NUDT3: variants seen among roughly 807,000 people sequenced by gnomAD.
NUDT3 encodes diphosphoinositol polyphosphate phosphohydrolase 1.
NUDT3 carries 9 observed loss-of-function variants against 23.6 expected under a neutral mutation model. The observed-to-expected ratio is 0.38, with a 90% CI of 0.23 to 0.66. NUDT3 has a LOEUF of 0.66. NUDT3 is among the 30% of genes least tolerant of loss of function. The pLI is 0.52. For missense variants in NUDT3, 172 were observed against 218.5 expected (o/e 0.79, Z 1.34); for synonymous variants, 86 against 82.6 (o/e 1.04, Z -0.22).
rs762860096 is a variant in NUDT3, at chr6:34,392,357, C to T, written c.6G>A (p.Met2Ile). 5 of 1,601,918 alleles carry T rather than the reference C, an allele frequency of 3.1e-6. No homozygotes were observed. In the South Asian group the frequency reaches 3.3e-5, roughly 11 times the overall value. M[M>I]KLKSNQTRTY... ...TGCGGGTCTGGTTCGACTTGAGCTT[C>T]ATCATCCTCCGGGCCCGGGTGGGGG... The change falls in exon 1 of 5, where the codon ATG (methionine) becomes ATA (isoleucine). Residue 2 changes from methionine to isoleucine, a missense_variant. Physicochemically the swap from Met to Ile is conservative, Grantham distance 10. Transcript: ENST00000607016.
At chr6:34,313,284 A>AAAGAGG (rs1763803959) in intron 2 of NUDT3, among the ~76,000 whole-genome samples, 1 of 152,218 alleles carries the variant, frequency 6.6e-6, no homozygotes, top group Non-Finnish European at 1.5e-5. Flanking sequence ...TTCCAACTAT[A>AAAGAGG]AGACATTCTA....
At chr6:34,346,306 T>C (rs1764369075) in intron 1 of NUDT3, among the ~76,000 whole-genome samples, 1 of 152,174 alleles carries the variant, frequency 6.6e-6, no homozygotes, top group African/African-American at 2.4e-5. Flanking sequence ...GTAAAATGGG[T>C]TAATCCTCCA....
intron 1 of NUDT3, among the ~76,000 whole-genome samples, chr6:34,343,579 C>G (rs1764321280): frequency 1.3e-5 from 2 of 151,692 alleles, no homozygotes; most frequent in South Asian, 4.2e-4. Flanking sequence ...TGTCTCAGAC[C>G]TTATACAAAA....
intron 1 of NUDT3, among the ~76,000 whole-genome samples, chr6:34,358,511 C>A (rs1764598459): frequency 6.6e-6 from 1 of 151,958 alleles, no homozygotes; most frequent in Non-Finnish European, 1.5e-5. Flanking sequence ...CTTATTATTT[C>A]AAAGGAGTCA....
At chr6:34,351,206 A>AAAAAAAAAAAAC (rs1764464677) in intron 1 of NUDT3, among the ~76,000 whole-genome samples, 1 of 121,152 alleles carries the variant, frequency 8.3e-6, no homozygotes, top group Non-Finnish European at 1.7e-5. Flanking sequence ...CCTAAAAAAA[A>AAAAAAAAAAAAC]AAAAAAAAAA....
intron 2 of NUDT3, among the ~76,000 whole-genome samples, chr6:34,332,068 T>C (rs534688579): frequency 6.6e-6 from 1 of 152,190 alleles, no homozygotes; most frequent in Non-Finnish European, 1.5e-5. Context: ...TTGTTTTTTG[T>C]AGTGATACGG....
At chr6:34,330,391 TG>T (rs1463616612) in intron 2 of NUDT3, among the ~76,000 whole-genome samples, 2 of 152,222 alleles carry the variant, frequency 1.3e-5, no homozygotes, top group Non-Finnish European at 2.9e-5. Context: ...TGCATTTCTC[TG>T]ATGGCCAGTG....
At chr6:34,294,862 A>G (rs1763476580) in intron 3 of NUDT3, among the ~76,000 whole-genome samples, 1 of 152,140 alleles carries the variant, frequency 6.6e-6, no homozygotes, top group Admixed American at 6.5e-5. Flanking sequence ...TCTACCCTCA[A>G]GAGATCTTCC....
chr6:34,380,754 G>C (rs1465896878), intron 1 of NUDT3, among the ~76,000 whole-genome samples: 1 of 152,136 alleles, frequency 6.6e-6, no homozygotes, highest in African/African-American at 2.4e-5. Context: ...AGATTAGGGG[G>C]ACAGGCAGGG....
chr6:34,288,114 C>T lies in NUDT3; in HGVS notation c.*639G>A, dbSNP rs1285023360. 6.6e-6 allele frequency: 1 copy of T among 152,156 alleles called. No individual in the cohort carries two copies. The highest frequency in any genetic ancestry group is 1.5e-5 in the Non-Finnish European group (1 of 68,030). 9.4% of individuals were successfully genotyped at this position (152,156 alleles called of 1,614,324 possible). Reference sequence around the variant, plus strand: ...TAGAGAAAGGACAGGGCAACCTGCCCAGCCACTAGCATCGAAAACAAAAAG... The same window carrying T: ...TAGAGAAAGGACAGGGCAACCTGCCTAGCCACTAGCATCGAAAACAAAAAG... On this transcript the variant is annotated 3_prime_UTR_variant, in exon 5 of 5. Coordinates refer to ENST00000607016, the MANE Select transcript of NUDT3 (RefSeq NM_006703.4).
At chr6:34,369,028 C>G (rs1764786936) in intron 1 of NUDT3, among the ~76,000 whole-genome samples, 1 of 152,166 alleles carries the variant, frequency 6.6e-6, no homozygotes, top group African/African-American at 2.4e-5. Context: ...CCTTAGCAGC[C>G]TAGCTGATTT....
chr6:34,366,383 AAAG>A (rs1219714691), intron 1 of NUDT3, among the ~76,000 whole-genome samples: 1 of 150,430 alleles, frequency 6.6e-6, no homozygotes, highest in Non-Finnish European at 1.5e-5. Context: ...CGAAAAAAGA[AAAG>A]AAAAGAGAGA....
chr6:34,385,377 C>T (rs937587259), intron 1 of NUDT3, among the ~76,000 whole-genome samples: 3 of 152,086 alleles, frequency 2.0e-5, no homozygotes, highest in Non-Finnish European at 2.9e-5. Flanking sequence ...CACCTGAGGT[C>T]GGGAGTTCGA....
At chr6:34,298,148 G>T (rs939168241) in intron 2 of NUDT3, among the ~76,000 whole-genome samples, 1 of 152,014 alleles carries the variant, frequency 6.6e-6, no homozygotes, top group East Asian at 1.9e-4. Context: ...GACTGCTTGA[G>T]CCCAAGAGTT....
At chr6:34,348,373 T>C (rs1484700196) in intron 1 of NUDT3, among the ~76,000 whole-genome samples, 1 of 151,468 alleles carries the variant, frequency 6.6e-6, no homozygotes, top group East Asian at 1.9e-4. Flanking sequence ...TTCCAGCTAC[T>C]GGGGAGGCTG....
At chr6:34,325,264 G>T in intron 2 of NUDT3, among the ~76,000 whole-genome samples, 1 of 151,780 alleles carries the variant, frequency 6.6e-6, no homozygotes, top group South Asian at 2.1e-4. Flanking sequence ...ACAGGGTCTC[G>T]ATCTGTTGCC....
intron 1 of NUDT3, among the ~76,000 whole-genome samples, chr6:34,385,636 C>T (rs1384776835): frequency 6.6e-6 from 1 of 151,316 alleles, no homozygotes; most frequent in African/African-American, 2.4e-5. Flanking sequence ...TTTTAAGATC[C>T]CCTCTCCAGT....
chr6:34,364,765 G>C (rs1243016854), intron 1 of NUDT3, among the ~76,000 whole-genome samples: 1 of 152,198 alleles, frequency 6.6e-6, no homozygotes, highest in Non-Finnish European at 1.5e-5. Flanking sequence ...TGGGTGCGGT[G>C]GCTCACACCT....
intron 1 of NUDT3, among the ~76,000 whole-genome samples, chr6:34,357,641 A>T (rs536852151): frequency 1.6e-4 from 24 of 151,984 alleles, no homozygotes; most frequent in African/African-American, 5.5e-4. Context: ...AAAAAAAAAA[A>T]TTTAATGCAT....
Sources: gnomAD v4.1 joint callset for allele counts (sites outside exome capture counted in the v4.1 genomes callset) on GRCh38, gnomAD v4.1.1 for gene constraint, MANE v1.5 for transcripts, NCBI Gene and HGNC (gene_info 2026-07-23, HGNC 2026-07-21) for gene names.